The following SCAMP1 variants were observed in gnomAD, a reference collection of about 807,000 sequenced individuals.
SCAMP1 encodes secretory carrier-associated membrane protein 1.
A neutral mutation model predicts 41.8 loss-of-function variants in SCAMP1; 15 were observed. That is an observed-to-expected ratio of 0.36 (90% CI 0.24 to 0.55). The LOEUF is 0.55. Among genes scored for constraint, SCAMP1 ranks in the 20% least tolerant of loss-of-function variants. SCAMP1 has a pLI of 0.86. For missense variants in SCAMP1, 341 were observed against 412.6 expected (o/e 0.83, Z 1.50); for synonymous variants, 135 against 136.8 (o/e 0.99, Z 0.09).
intron 7 of SCAMP1, among the ~76,000 whole-genome samples, chr5:78,453,765 A>G (rs1480624252): frequency 2.0e-5 from 3 of 152,222 alleles, no homozygotes; most frequent in East Asian, 3.9e-4. Context: ...GAATCTGTAA[A>G]TTACCTTGGG....
rs528825475 is a variant in SCAMP1, at chr5:78,462,601, G to A, written c.852+3239G>A. 5.6e-4 allele frequency among the ~76,000 whole-genome samples: 85 copies of A among 152,256 alleles called. 1 individual carries two copies. The highest frequency in any genetic ancestry group is 2.0e-3 in the African/African-American group (82 of 41,532). ...GGCCTCCCAAAGTTCGGGATTACAGGTGTGAGCCACCACACCCAGTCTGTA... is the reference window on the plus strand; with the variant it reads ...GGCCTCCCAAAGTTCGGGATTACAGATGTGAGCCACCACACCCAGTCTGTA... On this transcript the variant is annotated intron_variant, in intron 8 of 8. Coordinates refer to ENST00000621999, the MANE Select transcript of SCAMP1 (RefSeq NM_004866.6).
rs1452658583 is a variant in SCAMP1 at position 78,452,172 on chromosome 5, T to G, written c.734+2138T>G. 2.6e-5 allele frequency among the ~76,000 whole-genome samples: 4 copies of G among 151,570 alleles called. No homozygotes were observed. The East Asian group carries it at 7.7e-4, about 29-fold the overall frequency. ...ATTGGATTATATGGATGTTGCACAT[T>G]TAGTTTTCTTTTCTTTTTTTTTTTA... On this transcript the variant is annotated intron_variant, in intron 7 of 8. Coordinates refer to ENST00000621999, the MANE Select transcript of SCAMP1 (RefSeq NM_004866.6).
chr5:78,434,904 T>A (rs1752710638), intron 6 of SCAMP1, among the ~76,000 whole-genome samples: 1 of 152,208 alleles, frequency 6.6e-6, no homozygotes, highest in Non-Finnish European at 1.5e-5. Flanking sequence ...TTTTGATGAA[T>A]CATTTCTGGA....
intron 2 of SCAMP1, among the ~76,000 whole-genome samples, chr5:78,391,184 G>A (rs1751485490): frequency 6.6e-6 from 1 of 152,156 alleles, no homozygotes; most frequent in Admixed American, 6.5e-5. Flanking sequence ...TCCCAGACGG[G>A]GTGGTGGCCG....
At chr5:78,403,871 A>G (rs1040530183) in intron 2 of SCAMP1, among the ~76,000 whole-genome samples, 5 of 143,008 alleles carry the variant, frequency 3.5e-5, no homozygotes, top group Admixed American at 1.5e-4. Context: ...AGGCTGAGGC[A>G]GGAGAATTGT....
intron 2 of SCAMP1, among the ~76,000 whole-genome samples, chr5:78,403,545 C>T (rs1751850624): frequency 6.6e-6 from 1 of 152,068 alleles, no homozygotes; most frequent in South Asian, 2.1e-4. Flanking sequence ...ATGTAATCAG[C>T]TTTGGGAGGC....
In SCAMP1 at chr5:78,448,534, A is replaced by G. The variant is rs540842085; in HGVS notation, c.633-1399A>G. 4.6e-5 allele frequency among the ~76,000 whole-genome samples: 7 copies of G among 152,362 alleles called. No individual in the cohort carries two copies. The South Asian group carries it at 1.4e-3, about 32-fold the overall frequency. On this transcript the variant is annotated intron_variant, in intron 6 of 8. Transcript: ENST00000621999. Reference sequence around the variant, plus strand: ...CATGAAAGAAGATCTATATATGACAAAAAGCACATAAAAAGATGCTCAACA... The same window carrying G: ...CATGAAAGAAGATCTATATATGACAGAAAGCACATAAAAAGATGCTCAACA...
chr5:78,375,135 T>C (rs115797365), intron 1 of SCAMP1, among the ~76,000 whole-genome samples: 2,873 of 151,972 alleles, frequency 0.019, 82 homozygotes, highest in African/African-American at 0.06. Flanking sequence ...GCTTGGGGCA[T>C]TTCTTGTTTA....
In SCAMP1 at chr5:78,477,200, TCAC is replaced by T. The variant is rs1469659883; in HGVS notation, c.*1533_*1535del. On this transcript the variant is annotated 3_prime_UTR_variant, in exon 9 of 9. Coordinates refer to ENST00000621999, the MANE Select transcript of SCAMP1 (RefSeq NM_004866.6). ...ATGCTAGAGGTGGGATGCCAAGTTTTCACTATCCATGAAGCAGCGCTGCATGTC... is the reference window on the plus strand; with the variant it reads ...ATGCTAGAGGTGGGATGCCAAGTTTTTATCCATGAAGCAGCGCTGCATGTC... 2 of 152,264 alleles carry T rather than the reference TCAC, an allele frequency of 1.3e-5. No individual in the cohort carries two copies. Among genetic ancestry groups the T allele is most frequent in the Admixed American group, 6.5e-5 (1 of 15,298 alleles). 9.4% of individuals were successfully genotyped at this position (152,264 alleles called of 1,614,324 possible).
rs373148634 is a variant in SCAMP1, at chr5:78,388,193, T to C, written c.58-644T>C. 2.6e-5 allele frequency among the ~76,000 whole-genome samples: 4 copies of C among 152,206 alleles called. No homozygotes were observed. In the East Asian group the frequency reaches 7.7e-4, roughly 29 times the overall value. ...ATTAAGTGGGAGCTGCAAGTTAGTA[T>C]TGCCTCCTATCTGCCATTTTCCCTC... On this transcript the variant is annotated intron_variant, in intron 1 of 8. Transcript: ENST00000621999.
intron 7 of SCAMP1, 110 bp downstream of exon 7, chr5:78,450,144 A>G (rs1242127571): frequency 1.6e-6 from 1 of 634,904 alleles, no homozygotes; most frequent in Non-Finnish European, 2.7e-6. Flanking sequence ...ATTAAATAAA[A>G]AGCAAAAATT....
At chr5:78,396,441 G>A (rs1448140795) in intron 2 of SCAMP1, among the ~76,000 whole-genome samples, 1 of 152,176 alleles carries the variant, frequency 6.6e-6, no homozygotes, top group Non-Finnish European at 1.5e-5. Flanking sequence ...AGTTAGTGAA[G>A]CAGGAAACCA....
chr5:78,360,970 T>A, intron 1 of SCAMP1: 1 of 502,764 alleles, frequency 2.0e-6, no homozygotes. Flanking sequence ...CGTCCCCGAC[T>A]GGTGAGGGTC....
chr5:78,397,865 GC>G (rs1325069948), intron 2 of SCAMP1, among the ~76,000 whole-genome samples: 2 of 152,324 alleles, frequency 1.3e-5, no homozygotes, highest in East Asian at 3.9e-4. Context: ...AACATTGTTA[GC>G]TGTCAAGATG....
rs1372588665 is a variant in SCAMP1 at position 78,431,296 on chromosome 5, A to G, written c.632+9336A>G. 2.7e-5 allele frequency among the ~76,000 whole-genome samples: 4 copies of G among 148,390 alleles called. No individual in the cohort carries two copies. The East Asian group carries it at 5.8e-4, about 22-fold the overall frequency. ...TTTTGTACTTTTTTTTTTTTTTAGC[A>G]TTTTGTAAAATGTTCAAAATGCTTT... On this transcript the variant is annotated intron_variant, in intron 6 of 8. Transcript: ENST00000621999.
At chr5:78,443,946 G>A (rs1752992278) in intron 6 of SCAMP1, among the ~76,000 whole-genome samples, 1 of 151,922 alleles carries the variant, frequency 6.6e-6, no homozygotes. Flanking sequence ...GTCAACCATT[G>A]TGCCCAGCTC....
chr5:78,423,791 T>A (rs1011003000), intron 6 of SCAMP1, among the ~76,000 whole-genome samples: 1 of 152,072 alleles, frequency 6.6e-6, no homozygotes, highest in Non-Finnish European at 1.5e-5. Context: ...TTTTAGAGTA[T>A]ATACAAATAT....
At chr5:78,361,969 G>A (rs1750666250) in intron 1 of SCAMP1, among the ~76,000 whole-genome samples, 1 of 152,158 alleles carries the variant, frequency 6.6e-6, no homozygotes, top group Admixed American at 6.5e-5. Context: ...TTGACAACTC[G>A]ACTCACTTTG....
rs1754099359 is a variant in SCAMP1, at chr5:78,479,946, T to C, written c.*4278T>C. Among the ~76,000 whole-genome samples the C allele has an allele frequency of 1.3e-5, 2 of 151,772 alleles. No individual in the cohort carries two copies. Among genetic ancestry groups the C allele is most frequent in the African/African-American group, 4.8e-5 (2 of 41,278 alleles). On this transcript the variant is annotated 3_prime_UTR_variant, in exon 9 of 9. Coordinates refer to ENST00000621999, the MANE Select transcript of SCAMP1 (RefSeq NM_004866.6). ...CTGTAGTCCCAGCTACTTGGGAGGC[T>C]GAGGCAGGAGAATGACGTGAACCTG... is the stretch of plus-strand genomic sequence containing the variant.
Sources: allele counts gnomAD v4.1 joint callset (sites outside exome capture counted in the v4.1 genomes callset), GRCh38; gene constraint gnomAD v4.1.1; transcripts MANE v1.5; gene names NCBI Gene and HGNC (gene_info 2026-07-23, HGNC 2026-07-21).